The following ERBB4 variants were observed in gnomAD, a reference collection of about 807,000 sequenced individuals.
ERBB4 encodes erb-b2 receptor tyrosine kinase 4, also known as receptor tyrosine-protein kinase erbB-4.
A neutral mutation model predicts 158.0 loss-of-function variants in ERBB4; 42 were observed. The ratio of observed to expected loss-of-function variants is 0.27; its 90% CI spans 0.21 to 0.34. The LOEUF (loss-of-function observed/expected upper bound fraction) is 0.34. Ranked by LOEUF, ERBB4 falls within the 10% of genes least tolerant of loss-of-function variation. The pLI is 1.00. For missense variants in ERBB4, 1,333 were observed against 1,624.1 expected (o/e 0.82, Z 3.08); for synonymous variants, 583 against 558.7 (o/e 1.04, Z -0.61).
intron 1 of ERBB4, among the ~76,000 whole-genome samples, chr2:212,484,373 C>G (rs1050929777): frequency 1.3e-5 from 2 of 151,764 alleles, no homozygotes; most frequent in African/African-American, 4.9e-5. Context: ...GTTACCCGTT[C>G]ACATATATAA....
At chr2:212,449,280 T>C (rs2092410896) in intron 1 of ERBB4, among the ~76,000 whole-genome samples, 1 of 152,154 alleles carries the variant, frequency 6.6e-6, no homozygotes, top group African/African-American at 2.4e-5. Flanking sequence ...TCAACTAAAA[T>C]ACATCAGCAG....
chr2:211,497,985 G>A (rs1458853700), intron 20 of ERBB4, among the ~76,000 whole-genome samples: 1 of 152,080 alleles, frequency 6.6e-6, no homozygotes, highest in Non-Finnish European at 1.5e-5. Flanking sequence ...TAATGTGCAA[G>A]GTTCTGCCAA....
rs576536304 is a variant in ERBB4 at position 212,456,698 on chromosome 2, G to C, written c.82+81751C>G. Among the ~76,000 whole-genome samples the C allele has an allele frequency of 9.9e-5, 15 of 151,990 alleles. No homozygotes were observed. In the East Asian group the frequency reaches 1.9e-3, roughly 20 times the overall value. ...AGTATAGTGTCATTTATATTTAAGG[G>C]ATACAATTTTTGCAGAGCTTTTAAG... On this transcript the variant is annotated intron_variant, in intron 1 of 27. Coordinates refer to ENST00000342788, the MANE Select transcript of ERBB4 (RefSeq NM_005235.3).
chr2:211,919,249 C>T (rs2079793435), intron 3 of ERBB4, among the ~76,000 whole-genome samples: 1 of 152,006 alleles, frequency 6.6e-6, no homozygotes, highest in Non-Finnish European at 1.5e-5. Flanking sequence ...TCAAGGTTTC[C>T]AAGCTCCTTC....
At chr2:212,203,397 G>C (rs1225484375) in intron 1 of ERBB4, among the ~76,000 whole-genome samples, 1 of 152,176 alleles carries the variant, frequency 6.6e-6, no homozygotes, top group Non-Finnish European at 1.5e-5. Context: ...TGTAGCTGAA[G>C]TTGAGTGAAG....
chr2:211,994,589 T>C (rs1182836472), intron 2 of ERBB4, among the ~76,000 whole-genome samples: 2 of 152,228 alleles, frequency 1.3e-5, no homozygotes, highest in African/African-American at 4.8e-5. Flanking sequence ...TTTTACTTTA[T>C]AGTGTAAAGC....
At chr2:211,483,846 C>T (rs528570943) in intron 20 of ERBB4, among the ~76,000 whole-genome samples, 191 of 152,074 alleles carry the variant, frequency 1.3e-3, no homozygotes, top group African/African-American at 4.5e-3. Context: ...CCACCGTGCC[C>T]GGCCAAGAAT....
At chr2:211,832,232 T>C (rs1396244488) in intron 3 of ERBB4, among the ~76,000 whole-genome samples, 1 of 152,156 alleles carries the variant, frequency 6.6e-6, no homozygotes, top group Non-Finnish European at 1.5e-5. Flanking sequence ...ACTTGACATA[T>C]AAGCCATGGA....
intron 19 of ERBB4, among the ~76,000 whole-genome samples, chr2:211,580,885 A>T (rs79275427): frequency 0.12 from 117 of 1,010 alleles, 32 homozygotes; most frequent in Middle Eastern, 0.5. Context: ...ATATATATAT[A>T]TATATATATA....
chr2:211,643,596 C>G (rs997347238), intron 16 of ERBB4, among the ~76,000 whole-genome samples: 1 of 152,070 alleles, frequency 6.6e-6, no homozygotes, highest in Non-Finnish European at 1.5e-5. Flanking sequence ...AAGATATTTG[C>G]ATTTTTAAAA....
At chr2:211,810,340 C>T (rs1433925895) in intron 3 of ERBB4, among the ~76,000 whole-genome samples, 6 of 151,998 alleles carry the variant, frequency 3.9e-5, no homozygotes, top group East Asian at 3.9e-4. Context: ...TCTTTGTAGG[C>T]CTCTAAGGAC....
chr2:212,484,504 T>C (rs1689875204), intron 1 of ERBB4, among the ~76,000 whole-genome samples: 1 of 152,248 alleles, frequency 6.6e-6, no homozygotes, highest in African/African-American at 2.4e-5. Context: ...CTATCTTAAT[T>C]TTTCAAATCA....
chr2:211,484,732 A>G (rs886520460), intron 20 of ERBB4, among the ~76,000 whole-genome samples: 7 of 152,194 alleles, frequency 4.6e-5, no homozygotes, highest in South Asian at 2.1e-4. Flanking sequence ...AAGAACTACA[A>G]CGATTCTTTT....
intron 3 of ERBB4, among the ~76,000 whole-genome samples, chr2:211,932,455 T>C (rs1332421612): frequency 6.6e-6 from 1 of 152,040 alleles, no homozygotes; most frequent in Non-Finnish European, 1.5e-5. Flanking sequence ...GTTTGCCCTT[T>C]GTATCTCAAT....
chr2:211,764,512 G>A (rs1268774548), intron 4 of ERBB4, among the ~76,000 whole-genome samples: 1 of 152,136 alleles, frequency 6.6e-6, no homozygotes. Flanking sequence ...TTATGTACAA[G>A]GCATGGTTCT....
intron 3 of ERBB4, among the ~76,000 whole-genome samples, chr2:211,799,024 T>C (rs762913117): frequency 1.7e-4 from 26 of 152,108 alleles, no homozygotes; most frequent in Non-Finnish European, 3.4e-4. Context: ...TGGTGCATAG[T>C]TCGTAGGTCA....
chr2:212,446,599 A>G (rs1162793052), intron 1 of ERBB4, among the ~76,000 whole-genome samples: 19 of 19,234 alleles, frequency 9.9e-4, no homozygotes, highest in South Asian at 1.8e-3. Context: ...ATGTATATAT[A>G]TATATATATA....
At chr2:212,113,841 T>C (rs10167304) in intron 2 of ERBB4, among the ~76,000 whole-genome samples, 14,156 of 152,212 alleles carry the variant, frequency 0.093, 872 homozygotes, top group Non-Finnish European at 0.14. Flanking sequence ...CCAAATCATT[T>C]CATAGGCTGT....
intron 3 of ERBB4, among the ~76,000 whole-genome samples, chr2:211,834,122 T>G (rs569907306): frequency 6.6e-5 from 10 of 152,270 alleles, no homozygotes; most frequent in Middle Eastern, 3.4e-3. Context: ...GGGTTGCATA[T>G]TTTTATGATA....
Sources: allele counts gnomAD v4.1 joint callset (sites outside exome capture counted in the v4.1 genomes callset), GRCh38; gene constraint gnomAD v4.1.1; transcripts MANE v1.5; gene names NCBI Gene and HGNC (gene_info 2026-07-23, HGNC 2026-07-21).